ADAMTS17: variants seen among roughly 807,000 people sequenced by gnomAD.
The protein encoded by ADAMTS17 is ADAM metallopeptidase with thrombospondin type 1 motif 17.
A neutral mutation model predicts 141.5 loss-of-function variants in ADAMTS17; 113 were observed. The ratio of observed to expected loss-of-function variants is 0.80; its 90% CI spans 0.69 to 0.93. ADAMTS17 has a LOEUF of 0.93. ADAMTS17 is among the 40% of genes least tolerant of loss of function. The probability of loss-of-function intolerance (pLI) is 0.00; values close to 1 mark genes in which losing one functional copy is unlikely to be tolerated. For synonymous variants in ADAMTS17, 768 were observed against 630.6 expected, an observed-to-expected ratio of 1.22 and a Z score of -3.27; for missense variants, 1,659 against 1,517.9, an observed-to-expected ratio of 1.09 and a Z score of -1.54.
Position 100,133,150 on chromosome 15 carries a change from G to A in ADAMTS17, c.1575+64C>T. On this transcript the variant is annotated intron_variant, in intron 11 of 21. Transcript: ENST00000268070. Reference sequence around the variant, plus strand: ...GTAGAGTACAGATTGTGTGTCAGAAGAGGTGCCAGTTGCCTGCAAGATGTG... The same window carrying A: ...GTAGAGTACAGATTGTGTGTCAGAAAAGGTGCCAGTTGCCTGCAAGATGTG... 2.1e-6 allele frequency: 3 copies of A among 1,428,870 alleles called. No homozygotes were observed. In the Admixed American group the frequency reaches 5.9e-5, roughly 28 times the overall value. The allele number at this position is 1,428,870 out of a possible 1,614,324, so 88.5% of individuals were successfully genotyped here. A position where few individuals can be genotyped will look rare whatever the true frequency, so the allele number is the denominator to read the frequency against.
intron 20 of ADAMTS17, among the ~76,000 whole-genome samples, chr15:99,989,498 T>C (rs2573600): frequency 0.11 from 16,163 of 152,280 alleles, 2,623 homozygotes; most frequent in African/African-American, 0.35. Flanking sequence ...ACCCTGCCTG[T>C]TACTGTGCTG....
chr15:100,261,970 G>A (rs1156541734), intron 5 of ADAMTS17, among the ~76,000 whole-genome samples: 3 of 152,212 alleles, frequency 2.0e-5, no homozygotes, highest in Non-Finnish European at 4.4e-5. Context: ...CATGTGGGAA[G>A]GCGCTCCATT....
intron 18 of ADAMTS17, among the ~76,000 whole-genome samples, chr15:100,042,524 T>G (rs1394774210): frequency 6.6e-6 from 1 of 152,252 alleles, no homozygotes; most frequent in Non-Finnish European, 1.5e-5. Context: ...TTTTCTTTCC[T>G]TATTAAGTTG....
intron 7 of ADAMTS17, among the ~76,000 whole-genome samples, chr15:100,249,582 T>C (rs2043090511): frequency 6.6e-6 from 1 of 152,154 alleles, no homozygotes; most frequent in African/African-American, 2.4e-5. Flanking sequence ...CTAACTTCTA[T>C]GTGATGTCAG....
intron 8 of ADAMTS17, among the ~76,000 whole-genome samples, chr15:100,187,330 C>T (rs1596224532): frequency 6.6e-6 from 1 of 152,152 alleles, no homozygotes; most frequent in Admixed American, 6.5e-5. Flanking sequence ...GACTTTCTTT[C>T]CCTTTGGTAA....
intron 18 of ADAMTS17, among the ~76,000 whole-genome samples, chr15:100,022,179 A>G (rs1052283303): frequency 6.6e-6 from 1 of 152,118 alleles, no homozygotes; most frequent in Non-Finnish European, 1.5e-5. Context: ...TTGATCCTAT[A>G]TGGTCAATCT....
intron 7 of ADAMTS17, among the ~76,000 whole-genome samples, chr15:100,229,293 C>A (rs539995959): frequency 6.6e-6 from 1 of 151,384 alleles, no homozygotes; most frequent in Non-Finnish European, 1.5e-5. Flanking sequence ...CCCCTCCCCA[C>A]ATTGACAGAA....
intron 7 of ADAMTS17, among the ~76,000 whole-genome samples, chr15:100,214,537 T>G (rs992779218): frequency 1.3e-5 from 2 of 152,144 alleles, no homozygotes; most frequent in African/African-American, 4.8e-5. Context: ...ATAAAAAACT[T>G]GAAAAGGCAA....
chr15:100,259,442 C>A (rs940941513), intron 6 of ADAMTS17, among the ~76,000 whole-genome samples: 4 of 152,226 alleles, frequency 2.6e-5, no homozygotes, highest in African/African-American at 9.6e-5. Flanking sequence ...TGAGTGTGGG[C>A]AGCCACTGCT....
chr15:100,012,886 T>G (rs756096320), intron 18 of ADAMTS17, among the ~76,000 whole-genome samples: 7 of 152,216 alleles, frequency 4.6e-5, no homozygotes, highest in Non-Finnish European at 8.8e-5. Flanking sequence ...TGGTTCCATA[T>G]GAATTTTAGA....
At chr15:100,112,388 C>A (rs56941157) in intron 13 of ADAMTS17, among the ~76,000 whole-genome samples, 3,172 of 152,202 alleles carry the variant, frequency 0.021, 112 homozygotes, top group African/African-American at 0.069. Context: ...TTGTCCGTCT[C>A]CCCTTTGAGG....
At chr15:100,339,829 C>G (rs1239662923) in intron 2 of ADAMTS17, among the ~76,000 whole-genome samples, 1 of 152,242 alleles carries the variant, frequency 6.6e-6, no homozygotes, top group Non-Finnish European at 1.5e-5. Flanking sequence ...GAGAGCCAGA[C>G]TGATCTAGGA....
chr15:100,315,821 A>G (rs1596505882), intron 3 of ADAMTS17, among the ~76,000 whole-genome samples: 1 of 152,252 alleles, frequency 6.6e-6, no homozygotes, highest in South Asian at 2.1e-4. Flanking sequence ...ACACTGCCCC[A>G]GGCCTGGCTT....
chr15:100,217,629 T>G (rs1188759453), intron 7 of ADAMTS17, among the ~76,000 whole-genome samples: 8 of 152,076 alleles, frequency 5.3e-5, no homozygotes, highest in African/African-American at 1.9e-4. Flanking sequence ...AGTAAATATT[T>G]GTGATCCTGG....
At chr15:100,203,830 T>C (rs150386232) in intron 7 of ADAMTS17, among the ~76,000 whole-genome samples, 1 of 151,366 alleles carries the variant, frequency 6.6e-6, no homozygotes, top group African/African-American at 2.4e-5. Flanking sequence ...ACGCGGGAGG[T>C]AGAGGTTGCA....
intron 3 of ADAMTS17, among the ~76,000 whole-genome samples, chr15:100,309,246 C>T (rs1051671488): frequency 3.3e-5 from 5 of 152,180 alleles, no homozygotes; most frequent in African/African-American, 7.2e-5. Flanking sequence ...CCCAGGTACT[C>T]GGAGGCATGT....
At chr15:100,121,809 C>A (rs771680374) in intron 12 of ADAMTS17, among the ~76,000 whole-genome samples, 3 of 151,960 alleles carry the variant, frequency 2.0e-5, no homozygotes, top group African/African-American at 7.3e-5. Flanking sequence ...TCTTCAGTGG[C>A]CTGTGATGCA....
chr15:100,141,217 T>A (rs1238075275), intron 10 of ADAMTS17, among the ~76,000 whole-genome samples: 1 of 152,222 alleles, frequency 6.6e-6, no homozygotes, highest in East Asian at 1.9e-4. Context: ...CAAGCATGCA[T>A]CCCTGGAGCG....
chr15:100,304,576 G>A (rs924165839), intron 3 of ADAMTS17, among the ~76,000 whole-genome samples: 1 of 152,114 alleles, frequency 6.6e-6, no homozygotes, highest in Admixed American at 6.5e-5. Flanking sequence ...TTACTGGATT[G>A]GATTTCCATT....
Sources: allele counts gnomAD v4.1 joint callset (sites outside exome capture counted in the v4.1 genomes callset), GRCh38; gene constraint gnomAD v4.1.1; transcripts MANE v1.5; gene names NCBI Gene and HGNC (gene_info 2026-07-23, HGNC 2026-07-21).